Variants in SCO2 observed in about 807,000 individuals in gnomAD.
SCO2 encodes the protein synthesis of cytochrome C oxidase 2.
For missense variants in SCO2, 429 were observed against 348.7 expected (o/e 1.23, Z -1.83); for synonymous variants, 195 against 148.6 (o/e 1.31, Z -2.27).
chr22:50,526,234 C>A (rs202177002), upstream of SCO2: 2 of 1,529,992 alleles, frequency 1.3e-6, no homozygotes. Context: ...CGGGGACTCC[C>A]CCGACGCTCA....
upstream of SCO2, chr22:50,526,300 G>A: frequency 6.4e-7 from 1 of 1,556,714 alleles, no homozygotes; most frequent in Non-Finnish European, 8.6e-7. Flanking sequence ...AGCAGCTGCC[G>A]GCGTTCTGCG....
chr22:50,525,600 C>T (rs145052206), upstream of SCO2: 1 of 1,036,732 alleles, frequency 9.6e-7, no homozygotes, highest in South Asian at 1.4e-5. Context: ...GCAGGCGTCC[C>T]CGGAGCTGCG....
chr22:50,524,747 T>C, intron 1 of SCO2: 4 of 523,240 alleles, frequency 7.6e-6, no homozygotes, highest in South Asian at 6.3e-5. Flanking sequence ...CTAACCACGT[T>C]ATCTATTTGC....
intron 1 of SCO2, chr22:50,524,856 TCAAC>T (rs1317746072): frequency 2.8e-5 from 10 of 358,980 alleles, no homozygotes; most frequent in Admixed American, 2.2e-4. Context: ...TCCAGCCACT[TCAAC>T]CAACCGCGGC....
At chr22:50,524,658 C>CACCCT in intron 1 of SCO2, 1 of 694,752 alleles carries the variant, frequency 1.4e-6, no homozygotes, top group Non-Finnish European at 2.7e-6. Context: ...CCTGTCACCG[C>CACCCT]ACCCTGCCCT....
upstream of SCO2, chr22:50,525,929 AG>A: frequency 6.8e-7 from 1 of 1,465,300 alleles, no homozygotes; most frequent in Non-Finnish European, 9.0e-7. Flanking sequence ...CTGCAGAGCG[AG>A]GGGCTGTTAG....
intron 1 of SCO2, among the ~76,000 whole-genome samples, chr22:50,524,961 G>C (rs975324444): frequency 1.3e-5 from 2 of 151,762 alleles, no homozygotes; most frequent in African/African-American, 4.8e-5. Flanking sequence ...TCCTGGCAGA[G>C]ACGCACGACA....
rs12148 is a variant in SCO2 at position 50,523,779 on chromosome 22, T to A, written c.633A>T (p.Ala211=). ...ASHSYRVYYN[A]GPKDEDQDYI... is the part of the protein sequence containing the mutation. The stretch of plus-strand genomic sequence containing the variant: ...AGTCCTGGTCCTCATCCTTGGGGCC[T>A]GCATTGTAGTACACGCGGTAACTGT... The change falls in exon 2 of 2, where the codon GCA becomes GCT. Residue 211 remains alanine (A), a synonymous_variant. Coordinates refer to ENST00000395693, the MANE Select transcript of SCO2 (RefSeq NM_005138.3). 7 of 1,613,948 alleles carry A rather than the reference T, an allele frequency of 4.3e-6. No homozygotes were observed. The highest frequency in any genetic ancestry group is 1.1e-5 in the South Asian group (1 of 91,090).
At chr22:50,525,919 C>T (rs773785934), upstream of SCO2, 1 of 1,514,630 alleles carries the variant, frequency 6.6e-7, no homozygotes, top group Non-Finnish European at 8.8e-7. Context: ...CAGGGGGTCC[C>T]TGCAGAGCGA....
chr22:50,524,698 T>G, intron 1 of SCO2: 8 of 644,402 alleles, frequency 1.2e-5, no homozygotes, highest in Non-Finnish European at 2.4e-5. Flanking sequence ...GTGAACCTCT[T>G]GCTGACGGAA....
chr22:50,524,767 A>C (rs131810), intron 1 of SCO2: 4 of 447,058 alleles, frequency 8.9e-6, no homozygotes, highest in Non-Finnish European at 1.3e-5. Context: ...CAATAAACCC[A>C]TTTCTTAAAA....
chr22:50,525,672 C>G (rs553249815), upstream of SCO2: 1,415 of 1,528,812 alleles, frequency 9.3e-4, 13 homozygotes, highest in African/African-American at 0.018. Flanking sequence ...GCGGAGCCCG[C>G]CGGGGGTCAC....
chr22:50,525,620 A>C, upstream of SCO2: 2 of 1,228,934 alleles, frequency 1.6e-6, no homozygotes, highest in Non-Finnish European at 2.3e-6. Context: ...GCATGCGCAC[A>C]CGGGCGCAGC....
upstream of SCO2, chr22:50,526,025 C>T: frequency 1.4e-6 from 2 of 1,473,290 alleles, no homozygotes; most frequent in Non-Finnish European, 1.8e-6. Flanking sequence ...TGACCCACGT[C>T]GACCAGCAGC....
upstream of SCO2, chr22:50,526,231 T>A (rs1569522098): frequency 6.6e-7 from 1 of 1,522,516 alleles, no homozygotes; most frequent in Admixed American, 2.0e-5. Flanking sequence ...GGACGGGGAC[T>A]CCCCCGACGC....
chr22:50,524,321 G>A lies in SCO2; in HGVS notation c.91C>T (p.Leu31=). The A allele has an allele frequency of 2.5e-6, 4 of 1,601,978 alleles. No individual in the cohort carries two copies. Among genetic ancestry groups the A allele is most frequent in the Non-Finnish European group, 3.4e-6 (4 of 1,179,898 alleles). Reference sequence around the variant, plus strand: ...GACAAAAGCCAGGACCTCAGATGCAGGGCCTGGCCTCCCAGGGTCCCAGGG... The same window carrying A: ...GACAAAAGCCAGGACCTCAGATGCAAGGCCTGGCCTCCCAGGGTCCCAGGG... ...VLPGTLGGQA[L]HLRSWLLSRQ... is the part of the protein sequence containing the mutation. Residue 31 remains leucine, a synonymous_variant, in exon 2 of 2, where the codon CTG becomes TTG. Transcript: ENST00000395693.
chr22:50,523,930 T>A lies in SCO2; in HGVS notation c.482A>T (p.Gln161Leu). 6.2e-7 allele frequency: 1 copy of A among 1,612,884 alleles called. No individual in the cohort carries two copies. Residue 161 changes from glutamine to leucine, a missense_variant, in exon 2 of 2, where the codon CAG becomes CTG. Gln to Leu is a moderately radical substitution (Grantham distance 113). Transcript: ENST00000395693. ...GGGGTCCACAGTGATGAAGACAGGC[T>A]GCACTGGAGGCAAACCAGGCTCTGC... ...LEAEPGLPPV[Q>L]PVFITVDPER... is the part of the protein sequence containing the mutation.
At chr22:50,525,704 G>T, upstream of SCO2, 1 of 1,568,718 alleles carries the variant, frequency 6.4e-7, no homozygotes, top group Admixed American at 1.9e-5. Flanking sequence ...GACGGCCCCC[G>T]CCTCCGCAGC....
upstream of SCO2, chr22:50,526,126 A>C: frequency 6.7e-7 from 1 of 1,488,660 alleles, no homozygotes. Flanking sequence ...CAGCGCCCGG[A>C]CCAGCTCCAC....
Sources: allele counts gnomAD v4.1 joint callset (sites outside exome capture counted in the v4.1 genomes callset), GRCh38; gene constraint gnomAD v4.1.1; transcripts MANE v1.5; gene names NCBI Gene and HGNC (gene_info 2026-07-23, HGNC 2026-07-21).